The following LGSN variants were observed in gnomAD, a reference collection of about 807,000 sequenced individuals.
The protein encoded by LGSN is lengsin, lens protein with glutamine synthetase domain, also known as lengsin.
In LGSN, 21 loss-of-function variants were observed where a neutral mutation model predicts 19.5. That is an observed-to-expected ratio of 1.07 (90% CI 0.76 to 1.55). LGSN has a LOEUF of 1.55. LGSN is among the 40% of genes most tolerant of loss of function. The pLI, the probability that LGSN is intolerant of heterozygous loss-of-function variation, is 0.00. For synonymous variants in LGSN, 257 were observed against 215.6 expected, an observed-to-expected ratio of 1.19 and a Z score of -1.68; for missense variants, 673 against 608.5, an observed-to-expected ratio of 1.11 and a Z score of -1.12.
chr6:63,432,125 GA>G, the LGSN span, among the ~76,000 whole-genome samples: 1 of 98,556 alleles, frequency 1.0e-5, no homozygotes, highest in African/African-American at 4.1e-5. Context: ...AAGAAAGAAA[GA>G]AAGAAAGAAA....
At chr6:63,515,073 G>T in the LGSN span, among the ~76,000 whole-genome samples, 4 of 152,124 alleles carry the variant, frequency 2.6e-5, no homozygotes, top group Non-Finnish European at 5.9e-5. Context: ...CATGATCATA[G>T]CTTACTGCAA....
the LGSN span, among the ~76,000 whole-genome samples, chr6:63,335,130 G>A: frequency 7.2e-6 from 1 of 139,760 alleles, no homozygotes; most frequent in Non-Finnish European, 1.5e-5. Context: ...ATGACAGAAT[G>A]AGACTCCATC....
chr6:63,355,959 G>A, the LGSN span, among the ~76,000 whole-genome samples: 57 of 152,204 alleles, frequency 3.7e-4, no homozygotes, highest in South Asian at 5.4e-3. Flanking sequence ...TATTACAGGC[G>A]TGAGCCACTG....
At chr6:63,297,175 A>T (rs1768005818) in intron 1 of LGSN, among the ~76,000 whole-genome samples, 1 of 152,026 alleles carries the variant, frequency 6.6e-6, no homozygotes, top group African/African-American at 2.4e-5. Context: ...CCCCATCTCT[A>T]CTAAAAATAC....
the LGSN span, among the ~76,000 whole-genome samples, chr6:63,368,198 G>A: frequency 1.3e-5 from 2 of 151,968 alleles, no homozygotes; most frequent in African/African-American, 2.4e-5. Context: ...AGTTAAAGAC[G>A]CCTGCTCAGA....
At chr6:63,492,240 C>T in the LGSN span, among the ~76,000 whole-genome samples, 1 of 152,132 alleles carries the variant, frequency 6.6e-6, no homozygotes, top group Non-Finnish European at 1.5e-5. Flanking sequence ...CCTATCTATG[C>T]ACTGAGTAGA....
At chr6:63,548,708 T>G in the LGSN span, 1 of 621,268 alleles carries the variant, frequency 1.6e-6, no homozygotes, top group South Asian at 1.9e-5. Flanking sequence ...CAGTGTACAT[T>G]TAACCCAGCT....
the LGSN span, among the ~76,000 whole-genome samples, chr6:63,393,832 C>T: frequency 2.6e-5 from 4 of 152,130 alleles, no homozygotes; most frequent in African/African-American, 9.7e-5. Context: ...CAACAAATCC[C>T]AGGTATATAC....
At chr6:63,358,437 C>A in the LGSN span, among the ~76,000 whole-genome samples, 4 of 152,170 alleles carry the variant, frequency 2.6e-5, no homozygotes, top group Non-Finnish European at 5.9e-5. Context: ...TGGCCATTTT[C>A]ACAATATTGA....
At chr6:63,407,996 A>G in the LGSN span, among the ~76,000 whole-genome samples, 1 of 152,220 alleles carries the variant, frequency 6.6e-6, no homozygotes, top group Non-Finnish European at 1.5e-5. Context: ...CTCTTCAAGG[A>G]GAACTACAAA....
At chr6:63,566,618 A>G in the LGSN span, among the ~76,000 whole-genome samples, 5 of 152,344 alleles carry the variant, frequency 3.3e-5, no homozygotes, top group East Asian at 9.6e-4. Flanking sequence ...CTGAGCCTTC[A>G]GCAAGTCATA....
At chr6:63,427,465 G>T in the LGSN span, among the ~76,000 whole-genome samples, 1 of 152,114 alleles carries the variant, frequency 6.6e-6, no homozygotes, top group Non-Finnish European at 1.5e-5. Context: ...AGCCGAGGCA[G>T]ATTATAGGAG....
the LGSN span, among the ~76,000 whole-genome samples, chr6:63,470,933 CTTTTTT>C: frequency 9.6e-5 from 7 of 73,066 alleles, no homozygotes; most frequent in Non-Finnish European, 1.6e-4. Context: ...TTCAGTCTTT[CTTTTTT>C]TTTTTTTTTT....
At chr6:63,434,819 G>A in the LGSN span, among the ~76,000 whole-genome samples, 3 of 152,016 alleles carry the variant, frequency 2.0e-5, no homozygotes, top group Admixed American at 2.0e-4. Context: ...GTTTATAGAA[G>A]TCAGCCTCTC....
At chr6:63,431,748 C>G in the LGSN span, among the ~76,000 whole-genome samples, 1 of 152,118 alleles carries the variant, frequency 6.6e-6, no homozygotes, top group Non-Finnish European at 1.5e-5. Context: ...CTGCAACAAA[C>G]TTTCAGAAGT....
chr6:63,526,167 A>G, the LGSN span, among the ~76,000 whole-genome samples: 1 of 152,124 alleles, frequency 6.6e-6, no homozygotes, highest in Non-Finnish European at 1.5e-5. Context: ...TCCACTAAAA[A>G]TACAAAAATT....
chr6:63,386,477 T>C, the LGSN span, among the ~76,000 whole-genome samples: 1 of 152,174 alleles, frequency 6.6e-6, no homozygotes, highest in African/African-American at 2.4e-5. Context: ...TCTGATCCTA[T>C]TTTGGTAACC....
upstream of LGSN, among the ~76,000 whole-genome samples, chr6:63,324,959 A>G (rs1318179782): frequency 1.3e-5 from 2 of 152,068 alleles, no homozygotes; most frequent in East Asian, 3.9e-4. Context: ...CACAAAAATT[A>G]GCTGGGCGTG....
At chr6:63,402,023 T>C in the LGSN span, among the ~76,000 whole-genome samples, 1 of 152,254 alleles carries the variant, frequency 6.6e-6, no homozygotes, top group African/African-American at 2.4e-5. Flanking sequence ...CTCTAGCTGC[T>C]AGCTGTAAAG....
Sources: allele counts gnomAD v4.1 joint callset (sites outside exome capture counted in the v4.1 genomes callset), GRCh38; gene constraint gnomAD v4.1.1; transcripts MANE v1.5; gene names NCBI Gene and HGNC (gene_info 2026-07-23, HGNC 2026-07-21).